Variants in MPHOSPH9 observed in about 807,000 individuals in gnomAD.
MPHOSPH9 encodes M-phase phosphoprotein 9.
MPHOSPH9 carries 88 observed loss-of-function variants against 145.5 expected under a neutral mutation model. That is an observed-to-expected ratio of 0.60 (90% CI 0.51 to 0.72). The LOEUF (loss-of-function observed/expected upper bound fraction) is 0.72. Ranked by LOEUF, MPHOSPH9 falls within the 30% of genes least tolerant of loss-of-function variation. The probability of loss-of-function intolerance (pLI) is 0.00; values close to 1 mark genes in which losing one functional copy is unlikely to be tolerated. For missense variants in MPHOSPH9, 1,238 were observed against 1,386.6 expected, an observed-to-expected ratio of 0.89 and a Z score of 1.70; for synonymous variants, 435 against 486.2, an observed-to-expected ratio of 0.89 and a Z score of 1.39.
rs184315089 is a variant in MPHOSPH9 at position 123,161,104 on chromosome 12, A to C, written c.3381+32T>G. ...TTAGACATAAGCATTAAGTTCAGAA[A>C]ACAATTTTTAAAAATATTTGTTTGT... On this transcript the variant is annotated intron_variant, in intron 22 of 23. Transcript: ENST00000606320. 9.3e-6 allele frequency: 15 copies of C among 1,608,874 alleles called. No homozygotes were observed. The Admixed American group carries it at 1.9e-4, about 20-fold the overall frequency.
intron 23 of MPHOSPH9, among the ~76,000 whole-genome samples, chr12:123,157,992 T>A (rs542603010): frequency 1.6e-3 from 244 of 152,190 alleles, no homozygotes; most frequent in Non-Finnish European, 2.3e-3. Context: ...TTTTATTTTT[T>A]TTTTTTTGGT....
intron 15 of MPHOSPH9, 55 bp from the exon 16 acceptor site, chr12:123,176,844 A>G: frequency 1.5e-6 from 2 of 1,339,318 alleles, no homozygotes; most frequent in South Asian, 2.4e-5. Context: ...TGTAAAATAT[A>G]GCTCAACCAC....
rs1288872088 is a variant in MPHOSPH9, at chr12:123,155,468, C to G, written c.*1339G>C. 6.6e-6 allele frequency: 1 copy of G among 152,150 alleles called. No individual in the cohort carries two copies. The highest frequency in any genetic ancestry group is 2.4e-5 in the African/African-American group (1 of 41,434). The allele number at this position is 152,150 out of a possible 1,614,324, so 9.4% of individuals were successfully genotyped here. A position where few individuals can be genotyped will look rare whatever the true frequency, so the allele number is the denominator to read the frequency against. On this transcript the variant is annotated 3_prime_UTR_variant, in exon 24 of 24. Coordinates refer to ENST00000606320, the MANE Select transcript of MPHOSPH9 (RefSeq NM_022782.4). ...AATAACTGGGATGGCTTGGTTCATT[C>G]TAACTACTTATTATTAAGAGCCACA...
intron 1 of MPHOSPH9, among the ~76,000 whole-genome samples, chr12:123,243,529 C>CAA (rs55817401): frequency 8.5e-6 from 1 of 117,794 alleles, no homozygotes; most frequent in African/African-American, 3.5e-5. Flanking sequence ...GACTCCGTCT[C>CAA]AAAAAAAAAA....
intron 7 of MPHOSPH9, among the ~76,000 whole-genome samples, chr12:123,214,255 G>C (rs897407018): frequency 1.3e-5 from 2 of 152,068 alleles, no homozygotes; most frequent in African/African-American, 2.4e-5. Flanking sequence ...AGAAAGAAAG[G>C]TGGCTGGACA....
intron 8 of MPHOSPH9, 99 bp from the exon 9 acceptor site, chr12:123,203,474 G>A: frequency 3.6e-6 from 4 of 1,116,784 alleles, no homozygotes; most frequent in Non-Finnish European, 5.0e-6. Context: ...AAGACTTTAA[G>A]CAAATTGAAA....
rs149618064 is a variant in MPHOSPH9, at chr12:123,203,346, C to T, written c.1224G>A (p.Pro408=). ...TTTTATAATAAATATCCTTCAGTGA[C>T]GGTAGCTTCATCTCATTACTAGTAT... ...QSNTSNEMKL[P]SLKDIYYKKQ... is the part of the protein sequence containing the mutation. The change falls in exon 9 of 24, where the codon CCG becomes CCA. Residue 408 remains proline, a synonymous_variant. Transcript: ENST00000606320. 6.1e-5 allele frequency: 98 copies of T among 1,609,300 alleles called. No homozygotes were observed. The highest frequency in any genetic ancestry group is 7.7e-5 in the Non-Finnish European group (91 of 1,176,036).
intron 18 of MPHOSPH9, 26 bp downstream of exon 18, chr12:123,165,276 T>C: frequency 6.4e-7 from 1 of 1,559,484 alleles, no homozygotes; most frequent in Middle Eastern, 1.7e-4. Flanking sequence ...TCTATATCCA[T>C]CTATCTCAAA....
intron 13 of MPHOSPH9, among the ~76,000 whole-genome samples, 195 bp from the exon 14 acceptor site, chr12:123,181,405 T>C (rs1488192673): frequency 6.6e-6 from 1 of 152,082 alleles, no homozygotes; most frequent in East Asian, 1.9e-4. Context: ...TTCTGTACAT[T>C]TGATATTATT....
At chr12:123,193,214 C>T (rs1198408346) in intron 13 of MPHOSPH9, among the ~76,000 whole-genome samples, 5 of 150,484 alleles carry the variant, frequency 3.3e-5, no homozygotes, top group African/African-American at 1.2e-4. Context: ...GAAAGCCACA[C>T]TGTGACCCTG....
chr12:123,204,729 G>A (rs1353820063), intron 8 of MPHOSPH9, among the ~76,000 whole-genome samples: 1 of 152,104 alleles, frequency 6.6e-6, no homozygotes, highest in Non-Finnish European at 1.5e-5. Context: ...ACAAAAATTA[G>A]CTGGGAGTGG....
intron 1 of MPHOSPH9, among the ~76,000 whole-genome samples, chr12:123,240,209 CAA>C (rs55859746): frequency 0.32 from 42,695 of 134,836 alleles, 6,435 homozygotes; most frequent in South Asian, 0.37. Context: ...ATTAAAAATA[CAA>C]AAAAAAAAAA....
chr12:123,180,040 G>C, intron 14 of MPHOSPH9, 50 bp from the exon 15 acceptor site: 1 of 1,008,310 alleles, frequency 9.9e-7, no homozygotes, highest in African/African-American at 1.6e-5. Flanking sequence ...ATATTCACAT[G>C]AATTATTTTA....
At chr12:123,226,319 C>T (rs2138651903) in intron 3 of MPHOSPH9, 2 of 1,158,498 alleles carry the variant, frequency 1.7e-6, no homozygotes, top group Non-Finnish European at 2.2e-6. Context: ...AATTCTTAAA[C>T]CAGGTAATCT....
intron 12 of MPHOSPH9, among the ~76,000 whole-genome samples, chr12:123,196,372 GT>G (rs2045947044): frequency 6.6e-6 from 1 of 151,904 alleles, no homozygotes; most frequent in South Asian, 2.1e-4. Context: ...AAAATAGACA[GT>G]TTCCACCAAA....
chr12:123,214,669 G>C (rs2046884475), intron 7 of MPHOSPH9, 75 bp downstream of exon 7: 1 of 1,165,250 alleles, frequency 8.6e-7, no homozygotes, highest in Non-Finnish European at 1.3e-6. Context: ...TAAAAATAAT[G>C]CTCTAAAAAT....
intron 1 of MPHOSPH9, chr12:123,243,836 G>A (rs2047990015): frequency 6.6e-6 from 1 of 152,236 alleles, no homozygotes; most frequent in South Asian, 2.1e-4. Context: ...AAAGTAACAG[G>A]AAATGCACAT....
chr12:123,189,152 C>T (rs941054695), intron 13 of MPHOSPH9, among the ~76,000 whole-genome samples: 4 of 152,158 alleles, frequency 2.6e-5, no homozygotes, highest in African/African-American at 9.7e-5. Context: ...TAGTAGTAAG[C>T]CATCATGTTG....
Position 123,227,626 on chromosome 12 carries a change from C to T in MPHOSPH9, c.105-10G>A. 1 of 1,494,602 alleles carries T rather than the reference C, an allele frequency of 6.7e-7. No homozygotes were observed. The highest frequency in any genetic ancestry group is 8.9e-7 in the Non-Finnish European group (1 of 1,129,242). The allele number at this position is 1,494,602 out of a possible 1,614,324, so 92.6% of individuals were successfully genotyped here. On this transcript the variant is annotated splice_polypyrimidine_tract_variant and intron_variant, in intron 2 of 23. Coordinates refer to ENST00000606320, the MANE Select transcript of MPHOSPH9 (RefSeq NM_022782.4). ...AAGGTGGGGACTACTTCTGTTGAAA[C>T]ATAAATAATTCAAATGGTTTTCTTC...
Sources: allele counts gnomAD v4.1 joint callset (sites outside exome capture counted in the v4.1 genomes callset), GRCh38; gene constraint gnomAD v4.1.1; transcripts MANE v1.5; gene names NCBI Gene and HGNC (gene_info 2026-07-23, HGNC 2026-07-21).